The following MCUB variants were observed in gnomAD, a reference collection of about 807,000 sequenced individuals.
MCUB encodes the protein mitochondrial calcium uniporter dominant negative subunit beta, also known as calcium uniporter regulatory subunit MCUb, mitochondrial.
In MCUB, 46 loss-of-function variants were observed where a neutral mutation model predicts 41.4. The ratio of observed to expected loss-of-function variants is 1.11; its 90% confidence interval spans 0.88 to 1.42. The LOEUF (loss-of-function observed/expected upper bound fraction) is 1.42, where lower values mean the gene tolerates loss of function less well. MCUB is among the 40% of genes most tolerant of loss of function. The pLI, the probability that MCUB is intolerant of heterozygous loss-of-function variation, is 0.00. For missense variants in MCUB, 403 were observed against 404.9 expected, an observed-to-expected ratio of 1.00 and a Z score of 0.04; for synonymous variants, 148 against 148.2, an observed-to-expected ratio of 1.00 and a Z score of 0.01.
chr4:109,666,769 C>A (rs1010102007), intron 4 of MCUB, among the ~76,000 whole-genome samples: 3 of 152,160 alleles, frequency 2.0e-5, no homozygotes, highest in Non-Finnish European at 4.4e-5. Flanking sequence ...AAATTGCCCT[C>A]TGTTCCTGGT....
chr4:109,638,393 G>A (rs1035379284), intron 1 of MCUB, among the ~76,000 whole-genome samples: 3 of 142,900 alleles, frequency 2.1e-5, no homozygotes, highest in African/African-American at 7.9e-5. Flanking sequence ...TCTATTAAGT[G>A]TGCAATAGCA....
chr4:109,643,828 T>A (rs1728772587), intron 1 of MCUB, among the ~76,000 whole-genome samples: 1 of 152,228 alleles, frequency 6.6e-6, no homozygotes, highest in Admixed American at 6.5e-5. Flanking sequence ...TGCTTGTTTT[T>A]AAGCCATCCA....
intron 1 of MCUB, among the ~76,000 whole-genome samples, chr4:109,603,817 C>T (rs1312083157): frequency 6.6e-6 from 1 of 151,756 alleles, no homozygotes; most frequent in Admixed American, 6.6e-5. Flanking sequence ...TGGGGGGCAC[C>T]TCTGCCCGGC....
At chr4:109,604,808 T>C (rs1241702811) in intron 1 of MCUB, among the ~76,000 whole-genome samples, 1 of 152,198 alleles carries the variant, frequency 6.6e-6, no homozygotes, top group African/African-American at 2.4e-5. Flanking sequence ...ATGTGATGTA[T>C]CACATTATCA....
At chr4:109,617,185 A>G (rs150021903) in intron 1 of MCUB, among the ~76,000 whole-genome samples, 172 of 152,332 alleles carry the variant, frequency 1.1e-3, no homozygotes, top group Admixed American at 1.8e-3. Flanking sequence ...AGATGCTTGC[A>G]CAATTGGCCT....
intron 1 of MCUB, among the ~76,000 whole-genome samples, chr4:109,621,247 T>C (rs1728245692): frequency 6.6e-6 from 1 of 152,142 alleles, no homozygotes; most frequent in Non-Finnish European, 1.5e-5. Flanking sequence ...CCAGTTTGAT[T>C]GAATTTCTTG....
intron 4 of MCUB, among the ~76,000 whole-genome samples, chr4:109,669,649 A>G (rs1220192746): frequency 6.8e-6 from 1 of 147,722 alleles, no homozygotes; most frequent in East Asian, 1.9e-4. Flanking sequence ...CATTACATAC[A>G]TGTTATTCAT....
chr4:109,633,970 G>A (rs1728532808), intron 1 of MCUB, among the ~76,000 whole-genome samples: 1 of 145,776 alleles, frequency 6.9e-6, no homozygotes. Context: ...TTATCACGCT[G>A]TACTTTCATT....
Position 109,605,019 on chromosome 4 carries a change from G to C in MCUB, c.99+44583G>C, listed in dbSNP as rs570087632. 2.0e-5 allele frequency among the ~76,000 whole-genome samples: 3 copies of C among 152,236 alleles called. No homozygotes were observed. The South Asian group carries it at 6.2e-4, about 32-fold the overall frequency. ...GTCTTTGTCTGGTTTTGGTATCAGG[G>C]TAATACCAGCCTTCTAGAATAAGTT... On this transcript the variant is annotated intron_variant, in intron 1 of 7. Transcript: ENST00000394650.
chr4:109,651,218 C>T (rs565186730), intron 1 of MCUB, among the ~76,000 whole-genome samples: 35 of 152,298 alleles, frequency 2.3e-4, no homozygotes, highest in African/African-American at 8.4e-4. Context: ...TAATTTGTTA[C>T]TATCATTATT....
intron 3 of MCUB, among the ~76,000 whole-genome samples, 191 bp from the exon 4 acceptor site, chr4:109,664,099 A>G (rs1263016261): frequency 6.6e-6 from 1 of 152,206 alleles, no homozygotes; most frequent in Non-Finnish European, 1.5e-5. Context: ...GTCCAAGGAA[A>G]TGGGAGGTAG....
At chr4:109,564,173 G>A (rs912520171) in intron 1 of MCUB, among the ~76,000 whole-genome samples, 1 of 150,790 alleles carries the variant, frequency 6.6e-6, no homozygotes, top group Non-Finnish European at 1.5e-5. Flanking sequence ...TTGCTCTGTC[G>A]CCAAGCTGGA....
At chr4:109,583,725 G>T (rs972684502) in intron 1 of MCUB, among the ~76,000 whole-genome samples, 1 of 152,102 alleles carries the variant, frequency 6.6e-6, no homozygotes, top group Non-Finnish European at 1.5e-5. Flanking sequence ...TTATTATTTT[G>T]AGATACATCT....
At chr4:109,664,177 A>G (rs967708762) in intron 3 of MCUB, 113 bp from the exon 4 acceptor site, 1 of 662,694 alleles carries the variant, frequency 1.5e-6, no homozygotes, top group Non-Finnish European at 2.7e-6. Context: ...CACAAAAGTA[A>G]ATTGTCCACT....
rs532458257 is a variant in MCUB at position 109,609,412 on chromosome 4, T to C, written c.99+48976T>C. ...TTGCTATGGCATTTGTAAACTGTCA[T>C]GGTGCTGATGGGAGTGTAGCAGTGA... On this transcript the variant is annotated intron_variant, in intron 1 of 7. Transcript: ENST00000394650. 9.8e-5 allele frequency among the ~76,000 whole-genome samples: 15 copies of C among 152,310 alleles called. No homozygotes were observed. In the South Asian group the frequency reaches 2.5e-3, roughly 25 times the overall value.
intron 1 of MCUB, among the ~76,000 whole-genome samples, chr4:109,567,220 C>G (rs1579041210): frequency 6.6e-6 from 1 of 151,672 alleles, no homozygotes. Context: ...ATGCACTGCC[C>G]AAATCACATT....
chr4:109,568,008 G>T (rs1201806867), intron 1 of MCUB, among the ~76,000 whole-genome samples: 2 of 152,100 alleles, frequency 1.3e-5, no homozygotes, highest in Non-Finnish European at 2.9e-5. Flanking sequence ...CTGAACAGGG[G>T]ATTTAAAAAG....
At chr4:109,681,349 TTGTC>T (rs1289143006) in intron 4 of MCUB, 2 of 348,164 alleles carry the variant, frequency 5.7e-6, no homozygotes, top group East Asian at 9.2e-5. Context: ...CTACTAAAGT[TTGTC>T]TGTAGATTCC....
intron 1 of MCUB, among the ~76,000 whole-genome samples, chr4:109,581,732 A>G (rs1727180618): frequency 6.6e-6 from 1 of 152,246 alleles, no homozygotes; most frequent in Non-Finnish European, 1.5e-5. Flanking sequence ...ATGAACAGAC[A>G]CTTCTCAAAA....
Sources: gnomAD v4.1 joint callset for allele counts (sites outside exome capture counted in the v4.1 genomes callset) on GRCh38, gnomAD v4.1.1 for gene constraint, MANE v1.5 for transcripts, NCBI Gene and HGNC (gene_info 2026-07-23, HGNC 2026-07-21) for gene names.